The following TEX26 variants were observed in gnomAD, a reference collection of about 807,000 sequenced individuals.
TEX26 encodes the protein testis expressed 26.
In TEX26, 34 loss-of-function variants were observed where a neutral mutation model predicts 35.3. That is an observed-to-expected ratio of 0.96 (90% confidence interval 0.73 to 1.28). The LOEUF is 1.28. TEX26 is among the 50% of genes most tolerant of loss of function. TEX26 has a pLI of 0.00. For missense variants in TEX26, 371 were observed against 330.1 expected (o/e 1.12, Z -0.96); for synonymous variants, 136 against 111.8 (o/e 1.22, Z -1.36).
At chr13:30,938,271 G>C (rs1427893283) in intron 1 of TEX26, among the ~76,000 whole-genome samples, 1 of 152,156 alleles carries the variant, frequency 6.6e-6, no homozygotes, top group African/African-American at 2.4e-5. Context: ...ATGGGAAGTT[G>C]GGGCAAATAA....
At chr13:30,935,384 T>C (rs916544792) in intron 1 of TEX26, among the ~76,000 whole-genome samples, 2 of 152,242 alleles carry the variant, frequency 1.3e-5, no homozygotes, top group Non-Finnish European at 2.9e-5. Context: ...TCCTCCAGCC[T>C]GCGCATGGCC....
intron 6 of TEX26, among the ~76,000 whole-genome samples, chr13:30,970,789 A>G (rs1327342871): frequency 6.6e-6 from 1 of 152,142 alleles, no homozygotes; most frequent in Non-Finnish European, 1.5e-5. Context: ...CTGAGGGTGA[A>G]CTAGGGACTC....
At chr13:30,947,593 A>T (rs1229747751) in intron 2 of TEX26, among the ~76,000 whole-genome samples, 1 of 152,126 alleles carries the variant, frequency 6.6e-6, no homozygotes, top group African/African-American at 2.4e-5. Context: ...TCAGTTTCTG[A>T]GAATATATTG....
At chr13:30,957,098 C>A (rs1954168482) in intron 4 of TEX26, 69 bp downstream of exon 4, 1 of 1,493,716 alleles carries the variant, frequency 6.7e-7, no homozygotes, top group East Asian at 2.3e-5. Flanking sequence ...TGGTCGGCAG[C>A]ATGCGTGTGT....
chr13:30,941,616 T>C (rs1953515605), intron 2 of TEX26, among the ~76,000 whole-genome samples: 1 of 152,172 alleles, frequency 6.6e-6, no homozygotes, highest in South Asian at 2.1e-4. Flanking sequence ...TTGTACCCAA[T>C]ATGTAATTTT....
At chr13:30,965,726 C>T (rs978363549) in intron 4 of TEX26, among the ~76,000 whole-genome samples, 14 of 151,870 alleles carry the variant, frequency 9.2e-5, no homozygotes, top group South Asian at 2.1e-4. Flanking sequence ...GGATAAGCTT[C>T]GAGTGTTTTT....
intron 2 of TEX26, among the ~76,000 whole-genome samples, chr13:30,942,801 G>A (rs1015646265): frequency 2.0e-5 from 3 of 151,966 alleles, no homozygotes; most frequent in Non-Finnish European, 2.9e-5. Context: ...GTCAGTATTT[G>A]GCTTTATTTC....
intron 2 of TEX26, among the ~76,000 whole-genome samples, chr13:30,951,747 C>T (rs1048676872): frequency 1.3e-5 from 2 of 152,042 alleles, no homozygotes; most frequent in African/African-American, 4.8e-5. Flanking sequence ...AAATATGTAA[C>T]AATTATATTA....
At chr13:30,966,178 T>C in intron 4 of TEX26, 44 bp from the exon 5 acceptor site, 1 of 1,610,634 alleles carries the variant, frequency 6.2e-7, no homozygotes. Flanking sequence ...AGCTACTTTG[T>C]TCACAAGGAG....
rs751918742 is a variant in TEX26, at chr13:30,952,001, A to ATTTTTTTTTTTT, written c.147-627_147-616dup. On this transcript the variant is annotated intron_variant, in intron 2 of 6. Transcript: ENST00000380473. ...GAAGAAACAGAATCATTATTCTGGG[A>ATTTTTTTTTTTT]TTTTTTTTTTTTTTTTTTTTTTTTT... Among the ~76,000 whole-genome samples, 12 of 50,706 alleles carry ATTTTTTTTTTTT rather than the reference A, an allele frequency of 2.4e-4. 1 individual carries two copies. Among genetic ancestry groups the ATTTTTTTTTTTT allele is most frequent in the African/African-American group, 4.0e-4 (4 of 10,076 alleles). The allele number at this position is 50,706 out of a possible 152,430, so 33.3% of individuals were successfully genotyped here. A position where few individuals can be genotyped will look rare whatever the true frequency, so the allele number is the denominator to read the frequency against.
At position 30,966,397 on chromosome 13, in the gene TEX26, A is replaced by G; in HGVS notation, c.645A>G (p.Leu215=). 2.6e-6 allele frequency: 4 copies of G among 1,540,150 alleles called. No individual in the cohort carries two copies. The highest frequency in any genetic ancestry group is 2.7e-6 in the Non-Finnish European group (3 of 1,121,440). ...GCTTGCCTGTTGCTTCTCAGGGTCT[A>G]GGTGAGTACAGCTGCAGTTTCTTTT... ...YSSLPVASQG[L]VPSVLHSYLR... The change falls in exon 5 of 7, where the codon CTA becomes CTG. Residue 215 remains leucine (L), a splice_region_variant and synonymous_variant. Transcript: ENST00000380473.
chr13:30,969,162 G>C, intron 6 of TEX26, 116 bp downstream of exon 6: 7 of 825,536 alleles, frequency 8.5e-6, no homozygotes, highest in East Asian at 3.1e-5. Context: ...TGAAAACATT[G>C]CCTCAAAAAA....
intron 4 of TEX26, among the ~76,000 whole-genome samples, chr13:30,961,575 A>T (rs1375898392): frequency 6.6e-6 from 1 of 152,152 alleles, no homozygotes; most frequent in Non-Finnish European, 1.5e-5. Flanking sequence ...ATCTACGATC[A>T]TTTTGCTGGA....
At chr13:30,967,672 T>C (rs1954585608) in intron 5 of TEX26, among the ~76,000 whole-genome samples, 1 of 152,200 alleles carries the variant, frequency 6.6e-6, no homozygotes, top group Admixed American at 6.5e-5. Context: ...AGGGGATCCC[T>C]GGAGCTGGAA....
intron 6 of TEX26, among the ~76,000 whole-genome samples, chr13:30,973,878 G>A (rs952191395): frequency 3.3e-5 from 5 of 151,898 alleles, no homozygotes; most frequent in Non-Finnish European, 5.9e-5. Context: ...GGCTGGGTGC[G>A]GTGGCTTCTG....
intron 1 of TEX26, chr13:30,937,080 G>C (rs1391742232): frequency 2.4e-6 from 2 of 817,200 alleles, no homozygotes; most frequent in Non-Finnish European, 3.0e-6. Context: ...ATCCAAGCAG[G>C]TTAGGATTAG....
chr13:30,948,613 T>C (rs1306963161), intron 2 of TEX26, among the ~76,000 whole-genome samples: 2 of 152,232 alleles, frequency 1.3e-5, no homozygotes, highest in African/African-American at 4.8e-5. Context: ...TAAATTTGTT[T>C]GAGTTCATTG....
intron 1 of TEX26, among the ~76,000 whole-genome samples, chr13:30,938,165 C>A (rs894440115): frequency 2.0e-5 from 3 of 152,016 alleles, no homozygotes; most frequent in Non-Finnish European, 2.9e-5. Flanking sequence ...ATATATAAAG[C>A]AGCAGGTAAC....
chr13:30,969,434 A>AT, intron 6 of TEX26, among the ~76,000 whole-genome samples: 1 of 152,216 alleles, frequency 6.6e-6, no homozygotes, highest in East Asian at 1.9e-4. Flanking sequence ...TTGCTGGTAC[A>AT]TTTTTGTGAT....
Sources: gnomAD v4.1 joint callset for allele counts (sites outside exome capture counted in the v4.1 genomes callset) on GRCh38, gnomAD v4.1.1 for gene constraint, MANE v1.5 for transcripts, NCBI Gene and HGNC (gene_info 2026-07-23, HGNC 2026-07-21) for gene names.